CPM: variants seen among roughly 807,000 people sequenced by gnomAD.
CPM encodes renal carboxypeptidase.
Under a neutral mutation model 46.4 loss-of-function variants are expected in CPM, and 35 were observed. The ratio of observed to expected loss-of-function variants is 0.75; its 90% CI spans 0.58 to 1.00. CPM has a LOEUF of 1.00. Among genes scored for constraint, CPM ranks in the 50% least tolerant of loss-of-function variants. CPM has a pLI of 0.00. For synonymous variants in CPM, 195 were observed against 195.3 expected, an observed-to-expected ratio of 1.00 and a Z score of 0.01; for missense variants, 422 against 530.4, an observed-to-expected ratio of 0.80 and a Z score of 2.01.
chr12:68,915,564 T>C (rs759878875), intron 2 of CPM, among the ~76,000 whole-genome samples: 1 of 152,212 alleles, frequency 6.6e-6, no homozygotes, highest in Non-Finnish European at 1.5e-5. Context: ...CCAATCACCC[T>C]GTAGGCCAGC....
intron 7 of CPM, among the ~76,000 whole-genome samples, chr12:68,860,985 G>A (rs1443251231): frequency 6.6e-6 from 1 of 151,726 alleles, no homozygotes; most frequent in African/African-American, 2.4e-5. Context: ...TGCTCAAGCA[G>A]TCCTCCCACC....
chr12:68,871,707 G>T, intron 4 of CPM, 77 bp downstream of exon 4: 1 of 1,504,276 alleles, frequency 6.6e-7, no homozygotes, highest in Non-Finnish European at 9.2e-7. Flanking sequence ...ATCTCCTCTT[G>T]CCAAGGCCAA....
intron 8 of CPM, among the ~76,000 whole-genome samples, chr12:68,858,027 T>C (rs1306936472): frequency 2.6e-5 from 4 of 152,222 alleles, no homozygotes; most frequent in Admixed American, 2.0e-4. Context: ...TCTAGGCACC[T>C]TGGGGAGAAC....
chr12:68,918,744 T>A (rs939493065), intron 2 of CPM, among the ~76,000 whole-genome samples: 52 of 152,274 alleles, frequency 3.4e-4, no homozygotes, highest in African/African-American at 1.2e-3. Context: ...AGCATCTTAA[T>A]CCAAATCACC....
rs1885629252 is a variant in CPM at position 68,870,197 on chromosome 12, G to A, written c.616+18C>T. ...ACTCTGGACTTAAGAAGCCAGAACT[G>A]GACCCGCACCTGCTTACCTTGAACA... On this transcript the variant is annotated intron_variant, in intron 5 of 8. Coordinates refer to ENST00000551568, the MANE Select transcript of CPM (RefSeq NM_198320.5). 1 of 1,607,430 alleles carries A rather than the reference G, an allele frequency of 6.2e-7. No individual in the cohort carries two copies. Among genetic ancestry groups the A allele is most frequent in the Non-Finnish European group, 8.5e-7 (1 of 1,176,736 alleles).
chr12:68,881,091 G>A lies in CPM; in HGVS notation c.258+4701C>T, dbSNP rs140344878. On this transcript the variant is annotated intron_variant, in intron 3 of 8. Coordinates refer to ENST00000551568, the MANE Select transcript of CPM (RefSeq NM_198320.5). ...CCATTTTAAGTTGATTTTGCTACCC[G>A]GAGTTTGCTTTTGGCATTCCTGAGT... Among the ~76,000 whole-genome samples the A allele has an allele frequency of 6.8e-3, 1,037 of 152,272 alleles. 20 individuals are homozygous for A. Among genetic ancestry groups the A allele is most frequent in the African/African-American group, 0.024 (984 of 41,546 alleles).
chr12:68,950,508 G>A (rs1360670555), intron 1 of CPM, among the ~76,000 whole-genome samples: 1 of 152,124 alleles, frequency 6.6e-6, no homozygotes, highest in Non-Finnish European at 1.5e-5. Context: ...TGGATTGATT[G>A]GGCCACAGCA....
intron 2 of CPM, among the ~76,000 whole-genome samples, chr12:68,907,182 G>T (rs1224656173): frequency 1.3e-5 from 2 of 152,190 alleles, no homozygotes; most frequent in Non-Finnish European, 2.9e-5. Context: ...TAACCAGTAA[G>T]GTGTCATATC....
intron 3 of CPM, among the ~76,000 whole-genome samples, chr12:68,882,959 C>G (rs1247188676): frequency 6.6e-6 from 1 of 152,160 alleles, no homozygotes; most frequent in African/African-American, 2.4e-5. Flanking sequence ...GCTGAGTCTC[C>G]CTGATGCAGC....
At chr12:68,901,050 G>A (rs1022815267) in intron 2 of CPM, among the ~76,000 whole-genome samples, 1 of 152,134 alleles carries the variant, frequency 6.6e-6, no homozygotes, top group Non-Finnish European at 1.5e-5. Flanking sequence ...TGCGCGTGTG[G>A]GGATAGGGAC....
chr12:68,885,663 G>A (rs1886394796), intron 3 of CPM, 129 bp downstream of exon 3: 4 of 722,238 alleles, frequency 5.5e-6, no homozygotes, highest in Non-Finnish European at 9.3e-6. Flanking sequence ...ACCTCTCTGG[G>A]CCTTGCTTCT....
chr12:68,926,155 C>T (rs950700238), intron 2 of CPM, among the ~76,000 whole-genome samples: 1 of 152,068 alleles, frequency 6.6e-6, no homozygotes, highest in Non-Finnish European at 1.5e-5. Flanking sequence ...TGAGCTCGGG[C>T]GATCCACCTG....
intron 2 of CPM, among the ~76,000 whole-genome samples, chr12:68,905,578 G>T (rs1345907485): frequency 6.6e-6 from 1 of 152,032 alleles, no homozygotes; most frequent in African/African-American, 2.4e-5. Flanking sequence ...ACTGTACCTG[G>T]CCAACAGAAA....
intron 2 of CPM, among the ~76,000 whole-genome samples, chr12:68,928,350 C>T (rs1888357353): frequency 1.3e-5 from 2 of 152,204 alleles, no homozygotes; most frequent in African/African-American, 2.4e-5. Flanking sequence ...CCCTTCCTTA[C>T]ACCTTATACA....
intron 2 of CPM, among the ~76,000 whole-genome samples, chr12:68,932,474 T>G (rs1888549310): frequency 6.6e-6 from 1 of 152,208 alleles, no homozygotes; most frequent in Non-Finnish European, 1.5e-5. Flanking sequence ...TGAATTACAA[T>G]GGACAAGTCC....
downstream of CPM, chr12:68,846,890 A>C (rs1884332120): frequency 6.6e-6 from 1 of 151,996 alleles, no homozygotes; most frequent in Non-Finnish European, 1.5e-5. Flanking sequence ...CTTTTAATGA[A>C]TGGAAGTTTA....
chr12:68,848,772 G>C (rs1042862139), downstream of CPM: 2 of 152,110 alleles, frequency 1.3e-5, no homozygotes, highest in Non-Finnish European at 2.9e-5. Context: ...GAGTGTAGTG[G>C]CATGATCTCG....
intron 3 of CPM, among the ~76,000 whole-genome samples, chr12:68,884,589 G>A (rs2044308): frequency 0.5 from 76,061 of 152,048 alleles, 19,850 homozygotes; most frequent in Non-Finnish European, 0.58. Flanking sequence ...AAGTCAGCAG[G>A]TAGTACTTAT....
At chr12:68,843,261 A>G (rs751458930) in intron 5 of CPM, 6 of 227,604 alleles carry the variant, frequency 2.6e-5, no homozygotes, top group Non-Finnish European at 5.2e-5. Flanking sequence ...GAGGACCTCC[A>G]AAGGTAAAAG....
Sources: gnomAD v4.1 joint callset for allele counts (sites outside exome capture counted in the v4.1 genomes callset) on GRCh38, gnomAD v4.1.1 for gene constraint, MANE v1.5 for transcripts, NCBI Gene and HGNC (gene_info 2026-07-23, HGNC 2026-07-21) for gene names.